Variants in HS6ST3 observed in about 807,000 individuals in gnomAD.
HS6ST3 encodes heparan-sulfate 6-O-sulfotransferase 3.
In HS6ST3, 12 loss-of-function variants were observed where a neutral mutation model predicts 36.7. The ratio of observed to expected loss-of-function variants is 0.33; its 90% CI spans 0.21 to 0.53. The LOEUF (loss-of-function observed/expected upper bound fraction) is 0.53. Among genes scored for constraint, HS6ST3 ranks in the 20% least tolerant of loss-of-function variants. The pLI, the probability that HS6ST3 is intolerant of heterozygous loss-of-function variation, is 0.95. For synonymous variants in HS6ST3, 240 were observed against 257.5 expected (o/e 0.93, Z 0.65); for missense variants, 584 against 640.9 (o/e 0.91, Z 0.96).
chr13:96,296,314 T>C (rs559411829), intron 1 of HS6ST3, among the ~76,000 whole-genome samples: 1 of 152,184 alleles, frequency 6.6e-6, no homozygotes, highest in Non-Finnish European at 1.5e-5. Flanking sequence ...ATTTACAGTA[T>C]TAATATCAAA....
chr13:96,147,246 G>A (rs1404777293), intron 1 of HS6ST3, among the ~76,000 whole-genome samples: 1 of 152,086 alleles, frequency 6.6e-6, no homozygotes, highest in African/African-American at 2.4e-5. Flanking sequence ...AATAAATTAA[G>A]GCTGTGTATA....
At chr13:96,390,316 C>A (rs1394512621) in intron 1 of HS6ST3, among the ~76,000 whole-genome samples, 2 of 152,158 alleles carry the variant, frequency 1.3e-5, no homozygotes, top group Non-Finnish European at 2.9e-5. Flanking sequence ...TCTCCCCCCA[C>A]TAAATTCATA....
intron 1 of HS6ST3, among the ~76,000 whole-genome samples, chr13:96,418,096 C>T (rs568558428): frequency 2.0e-5 from 3 of 152,088 alleles, no homozygotes; most frequent in Admixed American, 6.6e-5. Context: ...TTAGGACTAC[C>T]GGGCACCCTG....
intron 1 of HS6ST3, among the ~76,000 whole-genome samples, chr13:96,387,904 T>C (rs2055376471): frequency 6.6e-6 from 1 of 152,172 alleles, no homozygotes; most frequent in East Asian, 1.9e-4. Context: ...CTGTGCCAGG[T>C]TCCTTGATTG....
intron 1 of HS6ST3, among the ~76,000 whole-genome samples, chr13:96,497,038 GGACAA>G (rs1297128579): frequency 6.6e-6 from 1 of 152,138 alleles, no homozygotes; most frequent in Non-Finnish European, 1.5e-5. Context: ...ATAGCAGGTG[GGACAA>G]GACAGCAAGG....
At chr13:96,330,555 G>T (rs2055060403) in intron 1 of HS6ST3, among the ~76,000 whole-genome samples, 1 of 152,108 alleles carries the variant, frequency 6.6e-6, no homozygotes, top group South Asian at 2.1e-4. Flanking sequence ...GAGATCTGCT[G>T]TTAGTCTGAT....
intron 1 of HS6ST3, among the ~76,000 whole-genome samples, chr13:96,515,835 T>C (rs1313552797): frequency 6.6e-6 from 1 of 152,204 alleles, no homozygotes; most frequent in East Asian, 1.9e-4. Flanking sequence ...TACCCAGCCT[T>C]AGGTATGTCT....
At chr13:96,507,957 G>T (rs2138917661) in intron 1 of HS6ST3, among the ~76,000 whole-genome samples, 1 of 152,188 alleles carries the variant, frequency 6.6e-6, no homozygotes, top group East Asian at 1.9e-4. Context: ...GAACCTGAAA[G>T]TGTCTAAGGT....
chr13:96,152,725 A>G (rs2054092594), intron 1 of HS6ST3, among the ~76,000 whole-genome samples: 1 of 151,850 alleles, frequency 6.6e-6, no homozygotes. Context: ...GTGCATTTCT[A>G]ATCTTATTGT....
intron 1 of HS6ST3, among the ~76,000 whole-genome samples, chr13:96,308,313 T>G (rs551121272): frequency 1.3e-5 from 2 of 152,222 alleles, no homozygotes; most frequent in African/African-American, 2.4e-5. Context: ...AATAACAGAT[T>G]CATTTCATTT....
chr13:96,381,394 G>GTATC (rs1263272767), intron 1 of HS6ST3, among the ~76,000 whole-genome samples: 26 of 52,440 alleles, frequency 5.0e-4, no homozygotes, highest in African/African-American at 1.4e-3. Flanking sequence ...ATGTATCTAT[G>GTATC]TATCTATGTA....
chr13:96,126,291 G>A (rs2053950598), intron 1 of HS6ST3, among the ~76,000 whole-genome samples: 1 of 152,192 alleles, frequency 6.6e-6, no homozygotes, highest in Non-Finnish European at 1.5e-5. Flanking sequence ...ACTGTGCTAC[G>A]CTTGGTCTCC....
intron 1 of HS6ST3, among the ~76,000 whole-genome samples, chr13:96,441,159 C>T (rs1418795813): frequency 6.6e-6 from 1 of 152,128 alleles, no homozygotes; most frequent in Non-Finnish European, 1.5e-5. Context: ...CATGCTGGCA[C>T]CCTGATCTTA....
intron 1 of HS6ST3, among the ~76,000 whole-genome samples, chr13:96,805,778 G>A (rs1878184647): frequency 6.6e-6 from 1 of 152,176 alleles, no homozygotes. Context: ...AGGTCACAAT[G>A]CAATTTAGTG....
intron 1 of HS6ST3, among the ~76,000 whole-genome samples, chr13:96,584,991 G>C (rs776382916): frequency 1.3e-5 from 2 of 152,190 alleles, no homozygotes; most frequent in African/African-American, 2.4e-5. Context: ...GCAGAGAACA[G>C]TCAGATACTT....
chr13:96,398,648 T>A (rs1031346437), intron 1 of HS6ST3, among the ~76,000 whole-genome samples: 5 of 152,310 alleles, frequency 3.3e-5, no homozygotes, highest in African/African-American at 9.6e-5. Context: ...TGTTTTACCT[T>A]TCATATTGTG....
intron 1 of HS6ST3, among the ~76,000 whole-genome samples, chr13:96,571,352 C>T (rs1370868074): frequency 6.6e-6 from 1 of 152,128 alleles, no homozygotes; most frequent in East Asian, 1.9e-4. Flanking sequence ...CATTTCACTG[C>T]TAGGTAACTT....
intron 1 of HS6ST3, among the ~76,000 whole-genome samples, chr13:96,161,694 A>G (rs560789484): frequency 1.3e-5 from 2 of 152,356 alleles, no homozygotes; most frequent in South Asian, 4.1e-4. Context: ...ACTCAGAGAA[A>G]TATTTAAAAG....
rs151322800 is a variant in HS6ST3 at position 96,818,369 on chromosome 13, G to A, written c.708-14121G>A. Among the ~76,000 whole-genome samples, 30 of 152,308 alleles carry A rather than the reference G, an allele frequency of 2.0e-4. No individual in the cohort carries two copies. In the East Asian group the frequency reaches 2.1e-3, roughly 11 times the overall value. On this transcript the variant is annotated intron_variant, in intron 1 of 1. Transcript: ENST00000376705. ...CTCATGCTAATTATCGTCAATAAGT[G>A]GATTTTGAAGAGAACCTGATTAGGG...
Sources: gnomAD v4.1 joint callset for allele counts (sites outside exome capture counted in the v4.1 genomes callset) on GRCh38, gnomAD v4.1.1 for gene constraint, MANE v1.5 for transcripts, NCBI Gene and HGNC (gene_info 2026-07-23, HGNC 2026-07-21) for gene names.